The following WWOX variants were observed in gnomAD, a reference collection of about 807,000 sequenced individuals.
The protein encoded by WWOX is WW domain-containing oxidoreductase.
In WWOX, 69 loss-of-function variants were observed where a neutral mutation model predicts 46.2. That is an observed-to-expected ratio of 1.49 (90% confidence interval 1.23 to 1.82). WWOX has a LOEUF of 1.82. Among genes scored for constraint, WWOX ranks in the 40% most tolerant of loss-of-function variants. The pLI, the probability that WWOX is intolerant of heterozygous loss-of-function variation, is 0.00. For synonymous variants in WWOX, 359 were observed against 202.6 expected (o/e 1.77, Z -6.56); for missense variants, 919 against 542.6 (o/e 1.69, Z -6.89).
intron 8 of WWOX, among the ~76,000 whole-genome samples, chr16:78,461,007 T>C (rs1356152787): frequency 1.3e-5 from 2 of 152,212 alleles, no homozygotes; most frequent in Non-Finnish European, 2.9e-5. Flanking sequence ...CTGCACAAGT[T>C]TCATACTTGA....
At chr16:78,142,588 A>G (rs888422836) in intron 4 of WWOX, among the ~76,000 whole-genome samples, 1 of 152,208 alleles carries the variant, frequency 6.6e-6, no homozygotes, top group South Asian at 2.1e-4. Context: ...TGTTGTATTT[A>G]GGAAGAACTT....
rs907604853 is a variant in WWOX at position 78,807,330 on chromosome 16, T to C, written c.1056+374578T>C. On this transcript the variant is annotated intron_variant, in intron 8 of 8. Transcript: ENST00000566780. ...ACTTAAAAGTGTTTACAGATGCCAG[T>C]GACACCCAGTGAATCTAAAACAAGA... Among the ~76,000 whole-genome samples the C allele has an allele frequency of 7.2e-5, 11 of 152,232 alleles. 1 individual carries two copies. Among genetic ancestry groups the C allele is most frequent in the African/African-American group, 2.7e-4 (11 of 41,470 alleles).
chr16:78,257,323 T>C (rs2038159274), intron 5 of WWOX, among the ~76,000 whole-genome samples: 1 of 152,170 alleles, frequency 6.6e-6, no homozygotes. Flanking sequence ...ATCTGCACAA[T>C]GATTGAAATA....
intron 8 of WWOX, among the ~76,000 whole-genome samples, chr16:78,925,288 A>G (rs1156298010): frequency 6.6e-6 from 1 of 152,224 alleles, no homozygotes; most frequent in Non-Finnish European, 1.5e-5. Context: ...GTGGCAGCAT[A>G]CTGGGATTGA....
rs1387660280 is a variant in WWOX at position 78,730,513 on chromosome 16, A to G, written c.1056+297761A>G. On this transcript the variant is annotated intron_variant, in intron 8 of 8. Coordinates refer to ENST00000566780, the MANE Select transcript of WWOX (RefSeq NM_016373.4). The stretch of plus-strand genomic sequence containing the variant: ...CTTGCTCAGGCTGGAGTGCGATGGC[A>G]CCATCTGAGCTCACTGCAGCCTCAA... 2.6e-5 allele frequency among the ~76,000 whole-genome samples: 4 copies of G among 151,694 alleles called. No homozygotes were observed. In the South Asian group the frequency reaches 8.4e-4, roughly 32 times the overall value.
chr16:79,211,108 G>T (rs2051727452), intron 8 of WWOX, among the ~76,000 whole-genome samples: 2 of 151,540 alleles, frequency 1.3e-5, no homozygotes, highest in Admixed American at 6.6e-5. Flanking sequence ...GCAGCACCGT[G>T]GGCAAAGCAT....
chr16:78,416,965 T>G (rs919136118), intron 6 of WWOX, among the ~76,000 whole-genome samples: 8 of 151,902 alleles, frequency 5.3e-5, no homozygotes, highest in Admixed American at 1.3e-4. Context: ...AAGAAGTTGG[T>G]TCTGTCCATT....
intron 8 of WWOX, among the ~76,000 whole-genome samples, chr16:79,094,482 C>T (rs954943172): frequency 1.3e-5 from 2 of 152,092 alleles, no homozygotes; most frequent in Non-Finnish European, 2.9e-5. Flanking sequence ...GAACTCCTGA[C>T]CTCAGGCAGT....
chr16:79,127,668 C>G (rs752324624), intron 8 of WWOX, among the ~76,000 whole-genome samples: 1 of 152,064 alleles, frequency 6.6e-6, no homozygotes, highest in Non-Finnish European at 1.5e-5. Flanking sequence ...GCACTCCGGT[C>G]GTTTTCATAG....
intron 8 of WWOX, among the ~76,000 whole-genome samples, chr16:78,774,288 C>G (rs1035788053): frequency 6.6e-6 from 1 of 152,138 alleles, no homozygotes; most frequent in African/African-American, 2.4e-5. Flanking sequence ...GTAATCCCAG[C>G]TACTCAGGAG....
At chr16:78,125,719 A>G (rs2033333804) in intron 4 of WWOX, among the ~76,000 whole-genome samples, 1 of 152,132 alleles carries the variant, frequency 6.6e-6, no homozygotes, top group Admixed American at 6.5e-5. Context: ...TTTTTTTAAA[A>G]GCTGAAGCTT....
At chr16:79,189,159 C>A (rs1182398841) in intron 8 of WWOX, among the ~76,000 whole-genome samples, 1 of 152,138 alleles carries the variant, frequency 6.6e-6, no homozygotes, top group Non-Finnish European at 1.5e-5. Context: ...CTTTCTGTTT[C>A]CAGCATGGTC....
At chr16:78,262,368 T>C (rs1237803039) in intron 5 of WWOX, among the ~76,000 whole-genome samples, 1 of 152,212 alleles carries the variant, frequency 6.6e-6, no homozygotes, top group Non-Finnish European at 1.5e-5. Context: ...AGATCAGATT[T>C]ACAGAAGTCT....
chr16:78,536,014 A>G (rs2043750965), intron 8 of WWOX, among the ~76,000 whole-genome samples: 1 of 152,218 alleles, frequency 6.6e-6, no homozygotes. Flanking sequence ...TTCCAGCCTT[A>G]GTCTTGGCTG....
chr16:78,723,553 C>CTTT (rs2048743329), intron 8 of WWOX, among the ~76,000 whole-genome samples: 1 of 145,094 alleles, frequency 6.9e-6, no homozygotes, highest in Non-Finnish European at 1.5e-5. Flanking sequence ...TGATTCCCAG[C>CTTT]CTTCTTTTCT....
At chr16:79,048,921 T>C (rs1226635730) in intron 8 of WWOX, among the ~76,000 whole-genome samples, 3 of 152,164 alleles carry the variant, frequency 2.0e-5, no homozygotes, top group African/African-American at 4.8e-5. Flanking sequence ...GACCCCCGCC[T>C]TTGGTACAGA....
At chr16:78,906,884 CATT>C (rs1016278309) in intron 8 of WWOX, among the ~76,000 whole-genome samples, 7 of 152,298 alleles carry the variant, frequency 4.6e-5, no homozygotes, top group Middle Eastern at 3.4e-3. Context: ...ATGGTGCTCT[CATT>C]GTTGTGTGTG....
intron 8 of WWOX, among the ~76,000 whole-genome samples, chr16:78,681,354 T>C (rs866578411): frequency 2.0e-5 from 3 of 152,194 alleles, no homozygotes; most frequent in Non-Finnish European, 2.9e-5. Flanking sequence ...CAGTGAGCTA[T>C]GATCTTGCCA....
chr16:78,849,917 A>G (rs187646610), intron 8 of WWOX, among the ~76,000 whole-genome samples: 125 of 152,212 alleles, frequency 8.2e-4, no homozygotes, highest in Non-Finnish European at 1.6e-3. Context: ...TACTTAAAAT[A>G]CAAAATTAGC....
Sources: gnomAD v4.1 joint callset for allele counts (sites outside exome capture counted in the v4.1 genomes callset) on GRCh38, gnomAD v4.1.1 for gene constraint, MANE v1.5 for transcripts, NCBI Gene and HGNC (gene_info 2026-07-23, HGNC 2026-07-21) for gene names.